The following FBP2 variants were observed in gnomAD, a reference collection of about 807,000 sequenced individuals.
The protein encoded by FBP2 is fructose-bisphosphatase 2.
A neutral mutation model predicts 31.6 loss-of-function variants in FBP2; 27 were observed. That is an observed-to-expected ratio of 0.85 (90% CI 0.63 to 1.18). The LOEUF (loss-of-function observed/expected upper bound fraction) is 1.18, where lower values mean the gene tolerates loss of function less well. FBP2 is among the 50% of genes most tolerant of loss of function. FBP2 has a pLI of 0.00. For missense variants in FBP2, 421 were observed against 436.1 expected (o/e 0.97, Z 0.31); for synonymous variants, 168 against 179.8 (o/e 0.93, Z 0.53).
At chr9:94,581,590 G>T (rs1827373078) in intron 3 of FBP2, among the ~76,000 whole-genome samples, 1 of 152,136 alleles carries the variant, frequency 6.6e-6, no homozygotes, top group Non-Finnish European at 1.5e-5. Flanking sequence ...TGGACCCTGG[G>T]AAGGTAACCA....
chr9:94,575,777 C>CT (rs571995855), intron 3 of FBP2, among the ~76,000 whole-genome samples: 1 of 152,170 alleles, frequency 6.6e-6, no homozygotes, highest in African/African-American at 2.4e-5. Flanking sequence ...TATGCTTAGT[C>CT]TTTTTAGATT....
At chr9:94,588,374 C>A (rs1435113831) in intron 1 of FBP2, among the ~76,000 whole-genome samples, 2 of 152,134 alleles carry the variant, frequency 1.3e-5, no homozygotes, top group East Asian at 3.9e-4. Context: ...GTAATCCCAG[C>A]ACTGTGGGAG....
At chr9:94,579,268 G>A (rs543615217) in intron 3 of FBP2, among the ~76,000 whole-genome samples, 3 of 149,490 alleles carry the variant, frequency 2.0e-5, no homozygotes, top group South Asian at 2.1e-4. Context: ...CGTGGTGCCG[G>A]GCGCCTGTAG....
intron 3 of FBP2, among the ~76,000 whole-genome samples, chr9:94,578,414 CTT>C (rs1327042654): frequency 1.3e-5 from 2 of 151,930 alleles, no homozygotes; most frequent in Non-Finnish European, 2.9e-5. Flanking sequence ...TCTAGATAAA[CTT>C]AAAGATTAAA....
intron 3 of FBP2, among the ~76,000 whole-genome samples, chr9:94,573,866 A>C (rs2945795): frequency 0.48 from 73,507 of 151,628 alleles, 18,377 homozygotes; most frequent in African/African-American, 0.6. Context: ...CCTTCCTATT[A>C]TCTTTTCTGG....
intron 1 of FBP2, among the ~76,000 whole-genome samples, chr9:94,591,432 C>T (rs1406040581): frequency 6.6e-6 from 1 of 152,230 alleles, no homozygotes; most frequent in Non-Finnish European, 1.5e-5. Flanking sequence ...TGGCTGGCTG[C>T]TCGGAGTGCG....
chr9:94,581,362 C>T (rs1365327642), intron 3 of FBP2, among the ~76,000 whole-genome samples: 1 of 152,164 alleles, frequency 6.6e-6, no homozygotes, highest in Non-Finnish European at 1.5e-5. Context: ...TGCTACTAGC[C>T]AAGCTCACAG....
chr9:94,582,049 C>T (rs562787009), intron 3 of FBP2, among the ~76,000 whole-genome samples: 1 of 152,200 alleles, frequency 6.6e-6, no homozygotes, highest in South Asian at 2.1e-4. Context: ...CTAACTCACC[C>T]CCAGGCTCTT....
At position 94,565,941 on chromosome 9, in the gene FBP2, G is replaced by A. The variant is rs137900014; in HGVS notation, c.705+1329C>T. ...ACACCCATTCATTTTTACAACATTG[G>A]GGAGAAACATCCTTGGCCCACATCT... On this transcript the variant is annotated intron_variant, in intron 5 of 6. Transcript: ENST00000375337. Among the ~76,000 whole-genome samples the A allele has an allele frequency of 4.5e-3, 679 of 152,160 alleles. 4 individuals carry two copies. Among genetic ancestry groups the A allele is most frequent in the Non-Finnish European group, 7.2e-3 (487 of 68,016 alleles).
intron 5 of FBP2, among the ~76,000 whole-genome samples, chr9:94,566,038 T>A (rs1166391457): frequency 1.3e-5 from 2 of 152,218 alleles, no homozygotes; most frequent in African/African-American, 4.8e-5. Context: ...ACCGTAGAGT[T>A]CTTCTCCACC....
In FBP2 at chr9:94,577,811, G is replaced by A. The variant is rs1219895268; in HGVS notation, c.427-6209C>T. The A allele has an allele frequency of 2.0e-5, 3 of 152,146 alleles. No homozygotes were observed. In the East Asian group the frequency reaches 5.8e-4, roughly 29 times the overall value. The allele number at this position is 152,146 out of a possible 1,614,324, so 9.4% of individuals were successfully genotyped here. On this transcript the variant is annotated intron_variant, in intron 3 of 6. Transcript: ENST00000375337. The stretch of plus-strand genomic sequence containing the variant: ...TTTTATAGGTCAGTGAGTTTGTGAT[G>A]CTATCTCATGATTAGAGTTCTCAGA...
chr9:94,567,146 A>C, intron 5 of FBP2, 124 bp downstream of exon 5: 1 of 937,614 alleles, frequency 1.1e-6, no homozygotes, highest in Non-Finnish European at 1.7e-6. Context: ...CATCATCTTC[A>C]TACTGACCAC....
intron 1 of FBP2, among the ~76,000 whole-genome samples, chr9:94,591,134 C>T (rs1827495857): frequency 6.6e-6 from 1 of 152,254 alleles, no homozygotes; most frequent in Non-Finnish European, 1.5e-5. Flanking sequence ...AGTCCTGCGC[C>T]GTGCGCGCGC....
intron 1 of FBP2, among the ~76,000 whole-genome samples, chr9:94,588,779 A>G (rs1267496502): frequency 6.6e-6 from 1 of 152,068 alleles, no homozygotes; most frequent in Non-Finnish European, 1.5e-5. Context: ...AAGTCCCCGC[A>G]AGTGGGTGTC....
chr9:94,562,060 C>T (rs1238978191), intron 6 of FBP2, among the ~76,000 whole-genome samples: 2 of 152,026 alleles, frequency 1.3e-5, no homozygotes, highest in African/African-American at 2.4e-5. Flanking sequence ...ACCTGTAATC[C>T]CAGCACTTTG....
In FBP2 at chr9:94,593,750, T is replaced by G; in HGVS notation, c.-24A>C. The G allele has an allele frequency of 3.7e-6, 6 of 1,611,522 alleles. No individual in the cohort carries two copies. The highest frequency in any genetic ancestry group is 5.1e-6 in the Non-Finnish European group (6 of 1,178,502). On this transcript the variant is annotated 5_prime_UTR_variant, in exon 1 of 7. Transcript: ENST00000375337. Reference sequence around the variant, plus strand: ...ATTTTGGCTGGAATGCTTCAAATCCTTTTCTCCCGGCAGGAAACCTTGCTT... The same window carrying G: ...ATTTTGGCTGGAATGCTTCAAATCCGTTTCTCCCGGCAGGAAACCTTGCTT...
At chr9:94,559,842 G>C (rs1184436778) in intron 6 of FBP2, among the ~76,000 whole-genome samples, 1 of 152,034 alleles carries the variant, frequency 6.6e-6, no homozygotes, top group East Asian at 1.9e-4. Flanking sequence ...CAGTAGTGCC[G>C]ACACAGAGAA....
chr9:94,590,016 C>CA (rs1827473961), intron 1 of FBP2, among the ~76,000 whole-genome samples: 1 of 152,128 alleles, frequency 6.6e-6, no homozygotes. Context: ...AGCTGAGAAA[C>CA]AGCCTCTGTC....
At chr9:94,564,836 A>G (rs368929450) in intron 5 of FBP2, among the ~76,000 whole-genome samples, 18 of 152,144 alleles carry the variant, frequency 1.2e-4, no homozygotes, top group African/African-American at 4.1e-4. Context: ...ATAAAATTAC[A>G]CCTGCATCAT....
Sources: allele counts gnomAD v4.1 joint callset (sites outside exome capture counted in the v4.1 genomes callset), GRCh38; gene constraint gnomAD v4.1.1; transcripts MANE v1.5; gene names NCBI Gene and HGNC (gene_info 2026-07-23, HGNC 2026-07-21).